Variants in HIVEP1 observed in about 807,000 individuals in gnomAD.
The protein encoded by HIVEP1 is zinc finger protein 40.
A neutral mutation model predicts 180.0 loss-of-function variants in HIVEP1; 36 were observed. The ratio of observed to expected loss-of-function variants is 0.20; its 90% CI spans 0.15 to 0.26. The LOEUF is 0.26. Among genes scored for constraint, HIVEP1 ranks in the 10% least tolerant of loss-of-function variants. The pLI is 1.00. For synonymous variants in HIVEP1, 1,239 were observed against 1,239.0 expected (o/e 1.00, Z 0.00); for missense variants, 3,143 against 3,268.7 (o/e 0.96, Z 0.94).
In HIVEP1 at chr6:12,129,853, T is replaced by C. The variant is rs1430790362; in HGVS notation, c.6170T>C (p.Ile2057Thr). 2 of 1,578,214 alleles carry C rather than the reference T, an allele frequency of 1.3e-6. No individual in the cohort carries two copies. Among genetic ancestry groups the C allele is most frequent in the Non-Finnish European group, 1.7e-6 (2 of 1,149,344 alleles). ...GAGCAAGATAAAGAAAATTCCTTAA[T>C]CAAAAGTGAACCAAGAAGAATTAAA... Reference protein sequence around the residue: ...NSEQDKENSLIKSEPRRIKIF... With the variant: ...NSEQDKENSLTKSEPRRIKIF... Residue 2057 changes from isoleucine (I) to threonine (T), a missense_variant, in exon 5 of 9, where the codon ATC becomes ACC. By Grantham distance (89) the Ile-to-Thr change is moderately conservative. This residue lies in a region of HIVEP1 where 1,357 missense variants were observed against 1,260.5 expected (regional missense o/e 1.08). Coordinates refer to ENST00000379388, the MANE Select transcript of HIVEP1 (RefSeq NM_002114.4).
At chr6:12,104,392 T>C (rs902026336) in intron 3 of HIVEP1, among the ~76,000 whole-genome samples, 3 of 120,060 alleles carry the variant, frequency 2.5e-5, no homozygotes, top group Non-Finnish European at 5.6e-5. Flanking sequence ...CTCTCTCTCT[T>C]CGTTTCTCTC....
At position 12,074,642 on chromosome 6, in the gene HIVEP1, G is replaced by GTGTT. The variant is rs761745306; in HGVS notation, c.41-14540_41-14539insTTTG. 7.1e-3 allele frequency among the ~76,000 whole-genome samples: 1,073 copies of GTGTT among 150,236 alleles called. 13 individuals carry two copies. The highest frequency in any genetic ancestry group is 0.023 in the African/African-American group (927 of 40,978). On this transcript the variant is annotated intron_variant, in intron 2 of 8. Transcript: ENST00000379388. ...AAAGTGTGTGTGTGTGTGTGTGTGTGTGCGCGCGCGTGCATGTCCTTGTCT... is the reference window on the plus strand; with the variant it reads ...AAAGTGTGTGTGTGTGTGTGTGTGTGTGTTTGCGCGCGCGTGCATGTCCTTGTCT...
chr6:12,125,670 G>C lies in HIVEP1; in HGVS notation c.5875G>C (p.Asp1959His), dbSNP rs1033713920. ...GAAGTCGTTGCATTTGCCTCAGAAG[G>C]ACCAGAAAACTTCAGCCTATACTGA... ...RQKSLHLPQK[D>H]QKTSAYTDWT... The change falls in exon 4 of 9, where the codon GAC (aspartate) becomes CAC (histidine). Residue 1959 changes from aspartate (D) to histidine (H), a missense_variant. By Grantham distance (81) the Asp-to-His change is moderately conservative. Transcript: ENST00000379388. 6.2e-7 allele frequency: 1 copy of C among 1,614,032 alleles called. No individual in the cohort carries two copies. The highest frequency in any genetic ancestry group is 1.7e-5 in the Admixed American group (1 of 59,990).
chr6:12,156,808 A>T (rs1363603886), intron 7 of HIVEP1, among the ~76,000 whole-genome samples: 1 of 152,210 alleles, frequency 6.6e-6, no homozygotes, highest in Admixed American at 6.5e-5. Flanking sequence ...TTATATAAAA[A>T]GTATGTTCTG....
chr6:12,139,674 A>G (rs546292731), intron 7 of HIVEP1, among the ~76,000 whole-genome samples: 1 of 152,384 alleles, frequency 6.6e-6, no homozygotes, highest in East Asian at 1.9e-4. Flanking sequence ...ATGGCACACC[A>G]GAAGATTATA....
At position 12,163,571 on chromosome 6, in the gene HIVEP1, C is replaced by G. The variant is rs776287626; in HGVS notation, c.7267C>G (p.Pro2423Ala). 6.2e-7 allele frequency: 1 copy of G among 1,614,200 alleles called. No homozygotes were observed. The highest frequency in any genetic ancestry group is 1.1e-5 in the South Asian group (1 of 91,078). ...YSTFVPLQAG[P>A]VQLTIPAVSV... ...CACGTTTGTGCCCCTTCAGGCTGGA[C>G]CAGTGCAGCTCACGATCCCTGCTGT... The change falls in exon 9 of 9, where the codon CCA (proline) becomes GCA (alanine). Residue 2423 changes from proline to alanine, a missense_variant. Around this residue, in one of 12 missense-constraint regions of HIVEP1, gnomAD observed 595 missense variants for 602.2 expected, o/e 0.99. Coordinates refer to ENST00000379388, the MANE Select transcript of HIVEP1 (RefSeq NM_002114.4).
chr6:12,159,117 G>T (rs1760240653), intron 7 of HIVEP1, among the ~76,000 whole-genome samples: 1 of 152,102 alleles, frequency 6.6e-6, no homozygotes. Flanking sequence ...CTTAGATTTT[G>T]GGCTGTTGAT....
rs562910259 is a variant in HIVEP1, at chr6:12,123,859, A to G, written c.4064A>G (p.Asn1355Ser). The G allele has an allele frequency of 5.6e-6, 9 of 1,614,024 alleles. No individual in the cohort carries two copies. Among genetic ancestry groups the G allele is most frequent in the Non-Finnish European group, 7.6e-6 (9 of 1,179,996 alleles). ...ATTCCAGCTGGCTTGAATACTCTGA[A>G]TGTTCCTGGATGTCACCGGGAAATG... ...LMIPAGLNTL[N>S]VPGCHREMRR... The change falls in exon 4 of 9, where the codon AAT (asparagine) becomes AGT (serine). Residue 1355 changes from asparagine (N) to serine (S), a missense_variant. By Grantham distance (46) the Asn-to-Ser change is conservative (BLOSUM62 1). Coordinates refer to ENST00000379388, the MANE Select transcript of HIVEP1 (RefSeq NM_002114.4).
the HIVEP1 span, among the ~76,000 whole-genome samples, chr6:12,177,692 T>C: frequency 3.3e-5 from 5 of 152,208 alleles, no homozygotes; most frequent in Admixed American, 6.5e-5. Flanking sequence ...ATGTCCCTTC[T>C]TGCTCTGAAA....
chr6:12,098,909 G>A (rs957947815), intron 3 of HIVEP1, among the ~76,000 whole-genome samples: 1 of 152,186 alleles, frequency 6.6e-6, no homozygotes, highest in Non-Finnish European at 1.5e-5. Context: ...AACTTTGAAG[G>A]ATGTAGCTTA....
the HIVEP1 span, among the ~76,000 whole-genome samples, chr6:12,184,600 C>T: frequency 6.6e-6 from 1 of 152,106 alleles, no homozygotes; most frequent in Admixed American, 6.6e-5. Flanking sequence ...TTCCATTTTC[C>T]CTTTCATTTG....
the HIVEP1 span, among the ~76,000 whole-genome samples, chr6:12,190,484 C>T: frequency 6.6e-6 from 1 of 152,148 alleles, no homozygotes; most frequent in Non-Finnish European, 1.5e-5. Flanking sequence ...GTCAGTTTTG[C>T]CGCTTTGGAG....
At chr6:12,086,687 G>A (rs1773143355) in intron 2 of HIVEP1, among the ~76,000 whole-genome samples, 1 of 152,036 alleles carries the variant, frequency 6.6e-6, no homozygotes, top group Non-Finnish European at 1.5e-5. Context: ...GAGTCTAGCA[G>A]GCAGCCCTGA....
the HIVEP1 span, among the ~76,000 whole-genome samples, chr6:12,204,159 G>A: frequency 2.6e-5 from 4 of 152,096 alleles, no homozygotes; most frequent in Admixed American, 6.5e-5. Flanking sequence ...AATGAAGAAT[G>A]GAAGCACTCT....
Position 12,125,201 on chromosome 6 carries a change from T to A in HIVEP1, c.5406T>A (p.Val1802=), listed in dbSNP as rs747908956. The A allele has an allele frequency of 1.2e-6, 2 of 1,614,160 alleles. No homozygotes were observed. The highest frequency in any genetic ancestry group is 2.2e-5 in the East Asian group (1 of 44,880). Residue 1802 remains valine (V), a synonymous_variant, in exon 4 of 9, where the codon GTT becomes GTA. Transcript: ENST00000379388. ...KQKKPILVRQ[V]CTTEPLDGVM... ...AGAAGCCTATTTTAGTGAGACAGGT[T>A]TGTACTACAGAGCCCCTGGACGGTG...
At chr6:12,162,993 C>T (rs1445974763) in intron 8 of HIVEP1, among the ~76,000 whole-genome samples, 7 of 152,146 alleles carry the variant, frequency 4.6e-5, no homozygotes, top group Admixed American at 4.6e-4. Context: ...GAGTTATTCT[C>T]TGTGTACAAT....
chr6:12,151,121 G>A (rs894940411), intron 7 of HIVEP1, among the ~76,000 whole-genome samples: 17 of 152,144 alleles, frequency 1.1e-4, no homozygotes, highest in African/African-American at 3.4e-4. Flanking sequence ...GTTGTTTGAC[G>A]TAAATGTATC....
intron 2 of HIVEP1, among the ~76,000 whole-genome samples, chr6:12,043,289 T>G (rs890710236): frequency 6.6e-6 from 1 of 152,082 alleles, no homozygotes; most frequent in African/African-American, 2.4e-5. Context: ...GCATTTTATG[T>G]GATATTTATA....
the HIVEP1 span, among the ~76,000 whole-genome samples, chr6:12,176,147 C>T: frequency 6.6e-6 from 1 of 151,670 alleles, no homozygotes; most frequent in African/African-American, 2.4e-5. Flanking sequence ...ATCTGAGTGA[C>T]ATTGTTAAGC....
Sources: gnomAD v4.1 joint callset for allele counts (sites outside exome capture counted in the v4.1 genomes callset) on GRCh38, gnomAD v4.1.1 for gene constraint, gnomAD v4.1.1 regional missense constraint, MANE v1.5 for transcripts, NCBI Gene and HGNC (gene_info 2026-07-23, HGNC 2026-07-21) for gene names.